The following CPSF1 variants were observed in gnomAD, a reference collection of about 807,000 sequenced individuals.
CPSF1 encodes cleavage and polyadenylation specificity factor subunit 1.
CPSF1 carries 106 observed loss-of-function variants against 175.8 expected under a neutral mutation model. That is an observed-to-expected ratio of 0.60 (90% CI 0.52 to 0.71). The LOEUF is 0.71. CPSF1 is among the 30% of genes least tolerant of loss of function. CPSF1 has a pLI of 0.00. For missense variants in CPSF1, 1,734 were observed against 2,022.9 expected, an observed-to-expected ratio of 0.86 and a Z score of 2.74; for synonymous variants, 1,024 against 858.3, an observed-to-expected ratio of 1.19 and a Z score of -3.37.
chr8:144,397,526 G>A lies in CPSF1; in HGVS notation c.2346C>T (p.Thr782=), dbSNP rs1554864406. Residue 782 remains threonine (T), a synonymous_variant, in exon 22 of 38, where the codon ACC becomes ACT. Coordinates refer to ENST00000616140, the MANE Select transcript of CPSF1 (RefSeq NM_013291.3). The stretch of plus-strand genomic sequence containing the variant: ...TCTCCCGCACCAGCAGGCACCAGTG[G>A]GTAGGCTCTGCCCGGAAGGGTGCAG... ...RDPAPFRAEP[T]HWCLLVRENG... 6.3e-7 allele frequency: 1 copy of A among 1,579,124 alleles called. No individual in the cohort carries two copies. The highest frequency in any genetic ancestry group is 1.2e-5 in the South Asian group (1 of 86,240).
At chr8:144,400,863 G>A (rs2116879256) in intron 6 of CPSF1, 46 bp from the exon 7 acceptor site, 4 of 1,608,174 alleles carry the variant, frequency 2.5e-6, no homozygotes, top group South Asian at 1.1e-5. Context: ...AGGCGGGGAG[G>A]GGAGCTCGGG....
At position 144,397,289 on chromosome 8, in the gene CPSF1, GCCT is replaced by G; in HGVS notation, c.2507_2509del (p.Glu836del). ...GAGGGGCAGCTCCCCCTGGCGCGTG[GCCT>G]CCTCCCTGCGGGCCTCGCCCTGTGT... On this transcript the variant is annotated inframe_deletion, in exon 23 of 38. Transcript: ENST00000616140. 1 of 1,550,228 alleles carries G rather than the reference GCCT, an allele frequency of 6.5e-7. No individual in the cohort carries two copies. The highest frequency in any genetic ancestry group is 8.7e-7 in the Non-Finnish European group (1 of 1,147,376).
rs1176571603 is a variant in CPSF1 at position 144,407,527 on chromosome 8, C to CA, written c.144+1487dup. Among the ~76,000 whole-genome samples, 554 of 149,320 alleles carry CA rather than the reference C, an allele frequency of 3.7e-3. 3 individuals are homozygous for CA. The highest frequency in any genetic ancestry group is 0.011 in the African/African-American group (438 of 40,682). The stretch of plus-strand genomic sequence containing the variant: ...CGAAACCCTGTCTCTATTAAAAATA[C>CA]AAAAAAAAAATTAGCCGGGCGTGGT... On this transcript the variant is annotated intron_variant, in intron 2 of 37. Coordinates refer to ENST00000616140, the MANE Select transcript of CPSF1 (RefSeq NM_013291.3).
rs2116892727 is a variant in CPSF1 at position 144,402,800 on chromosome 8, C to T, written c.145-1127G>A. On this transcript the variant is annotated intron_variant, in intron 2 of 37. Transcript: ENST00000616140. ...CACACACCCACTCATGTGGGGCTGA[C>T]GGCACCGCAGGTGGCTCAGGCCACC... 6.6e-5 allele frequency among the ~76,000 whole-genome samples: 10 copies of T among 152,206 alleles called. No individual in the cohort carries two copies. The East Asian group carries it at 7.7e-4, about 12-fold the overall frequency.
chr8:144,394,051 G>C lies in CPSF1; in HGVS notation c.3860-13C>G, dbSNP rs782170591. 7 of 1,610,396 alleles carry C rather than the reference G, an allele frequency of 4.3e-6. No homozygotes were observed. The highest frequency in any genetic ancestry group is 5.9e-6 in the Non-Finnish European group (7 of 1,177,836). On this transcript the variant is annotated splice_polypyrimidine_tract_variant and intron_variant, in intron 34 of 37. Transcript: ENST00000616140. ...AAACTCTCCTTGGCTAGACCAGAAAGGCCTAGGGGTCACTGCTAGCCCAGC... is the reference window on the plus strand; with the variant it reads ...AAACTCTCCTTGGCTAGACCAGAAACGCCTAGGGGTCACTGCTAGCCCAGC...
In CPSF1 at chr8:144,404,277, C is replaced by T. The variant is rs2116897547; in HGVS notation, c.145-2604G>A. 5.9e-5 allele frequency among the ~76,000 whole-genome samples: 9 copies of T among 152,198 alleles called. No individual in the cohort carries two copies. The South Asian group carries it at 1.0e-3, about 18-fold the overall frequency. On this transcript the variant is annotated intron_variant, in intron 2 of 37. Coordinates refer to ENST00000616140, the MANE Select transcript of CPSF1 (RefSeq NM_013291.3). ...CCTCTTGGTCAGGACCAGCCAAGGA[C>T]GCCTGATCCACTCTGCCAAGTATAA... is the stretch of plus-strand genomic sequence containing the variant.
chr8:144,397,105 G>C, intron 23 of CPSF1, 102 bp downstream of exon 23: 1 of 1,190,486 alleles, frequency 8.4e-7, no homozygotes, highest in Non-Finnish European at 1.2e-6. Context: ...GGGCGGGGCC[G>C]TGGGGGAGAT....
Position 144,393,919 on chromosome 8 carries a change from AC to A in CPSF1, c.3978del (p.Lys1326AsnfsTer35), listed in dbSNP as rs781859831. On this transcript the variant is annotated frameshift_variant, in exon 35 of 38. Transcript: ENST00000616140. LOFTEE classifies it high-confidence loss of function. ...CRGATEGLSK[K>X]SVVWENKHIT... Reference sequence around the variant, plus strand: ...ATGTGCTTATTCTCCCACACGACCGACTTTTTGCTGAGCCCTTCAGTGGCCC... The same window carrying A: ...ATGTGCTTATTCTCCCACACGACCGATTTTTGCTGAGCCCTTCAGTGGCCC... 1.9e-6 allele frequency: 3 copies of A among 1,612,906 alleles called. No individual in the cohort carries two copies. The highest frequency in any genetic ancestry group is 2.5e-6 in the Non-Finnish European group (3 of 1,179,626).
chr8:144,399,743 G>A lies in CPSF1; in HGVS notation c.1120-33C>T, dbSNP rs2116865795. 1.5e-5 allele frequency: 24 copies of A among 1,599,482 alleles called. No individual in the cohort carries two copies. In the Middle Eastern group the frequency reaches 5.0e-4, roughly 33 times the overall value. ...AGGGCAGGTGTGTGATGGCTGGGCC[G>A]GGTCTGGACCCAGACCCAACCCCTA... On this transcript the variant is annotated intron_variant, in intron 11 of 37. Transcript: ENST00000616140. The surrounding 1 kb of genome is among the most constrained non-coding windows in gnomAD (Gnocchi z 6.4).
rs150150861 is a variant in CPSF1 at position 144,393,488 on chromosome 8, G to A, written c.4248C>T (p.Ser1416=). The A allele has an allele frequency of 1.3e-5, 21 of 1,572,442 alleles. No homozygotes were observed. The highest frequency in any genetic ancestry group is 1.2e-4 in the African/African-American group (9 of 74,386). ...RYLYLSTMER[S]ELAKKIGTTP... ...TGGTGCCGATCTTCTTGGCTAGCTC[G>A]CTGCGCTCCATGGTGCTCAGGTACA... The change falls in exon 37 of 38, where the codon AGC becomes AGT. Residue 1416 remains serine (S), a synonymous_variant. Coordinates refer to ENST00000616140, the MANE Select transcript of CPSF1 (RefSeq NM_013291.3).
In CPSF1 at chr8:144,397,274, T is replaced by TC. The variant is rs2130766210; in HGVS notation, c.2524dup (p.Glu842GlyfsTer52). ...CAGCACCTCCTTGACGAGGGGCAGC[T>TC]CCCCCTGGCGCGTGGCCTCCTCCCT... On this transcript the variant is annotated frameshift_variant, in exon 23 of 38. Transcript: ENST00000616140. LOFTEE classifies it high-confidence loss of function. 1.3e-6 allele frequency: 2 copies of TC among 1,549,166 alleles called. No homozygotes were observed. The highest frequency in any genetic ancestry group is 1.7e-6 in the Non-Finnish European group (2 of 1,146,918).
rs1189161150 is a variant in CPSF1, at chr8:144,400,961, T to A, written c.502A>T (p.Ser168Cys). Residue 168 changes from serine (S) to cysteine (C), a missense_variant, in exon 6 of 38, where the codon AGC becomes TGC. Physicochemically the swap from Ser to Cys is moderately radical, Grantham distance 112 (BLOSUM62 -1). This residue lies in a region of CPSF1 where 122 missense variants were observed against 177.2 expected (regional missense o/e 0.69). Coordinates refer to ENST00000616140, the MANE Select transcript of CPSF1 (RefSeq NM_013291.3). Reference protein sequence around the residue: ...RLVVLPFRRESLAEEHEGLVG... With the variant: ...RLVVLPFRRECLAEEHEGLVG... ...AGCCCCTCGTGCTCCTCAGCCAGGC[T>A]CTCCCTGCGGAAGGGCAGGACCACC... 3.7e-6 allele frequency: 6 copies of A among 1,608,418 alleles called. No homozygotes were observed. The highest frequency in any genetic ancestry group is 1.7e-5 in the Admixed American group (1 of 59,810).
In CPSF1 at chr8:144,393,912, AC is replaced by A; in HGVS notation, c.3985del (p.Val1329CysfsTer32). ...CCACGTGATGTGCTTATTCTCCCAC[AC>A]GACCGACTTTTTGCTGAGCCCTTCA... is the stretch of plus-strand genomic sequence containing the variant. ...ATEGLSKKSV[V>X]WENKHITWFA... On this transcript the variant is annotated frameshift_variant, in exon 35 of 38. Transcript: ENST00000616140. LOFTEE classifies it high-confidence loss of function. The A allele has an allele frequency of 1.9e-6, 3 of 1,612,686 alleles. No individual in the cohort carries two copies. The highest frequency in any genetic ancestry group is 2.5e-6 in the Non-Finnish European group (3 of 1,179,518).
At chr8:144,397,045 G>A (rs1008882781) in intron 23 of CPSF1, 116 bp from the exon 24 acceptor site, 5 of 836,126 alleles carry the variant, frequency 6.0e-6, no homozygotes, top group Admixed American at 4.5e-5. Context: ...GTGGAGCCAT[G>A]TATGGGAAGG....
intron 26 of CPSF1, 145 bp downstream of exon 26, chr8:144,396,203 C>A (rs752444231): frequency 1.4e-4 from 117 of 854,928 alleles, no homozygotes; most frequent in Admixed American, 3.1e-4. Context: ...CAGGTTCCAC[C>A]TCCTCGACCT....
At chr8:144,400,141 C>A (rs2116871968) in intron 9 of CPSF1, 25 bp downstream of exon 9, 1 of 1,254,216 alleles carries the variant, frequency 8.0e-7, no homozygotes. Flanking sequence ...CCGGGCCCCC[C>A]CCGCCCCAGC....
At chr8:144,402,571 C>T (rs1264954328) in intron 2 of CPSF1, among the ~76,000 whole-genome samples, 1 of 152,176 alleles carries the variant, frequency 6.6e-6, no homozygotes, top group Non-Finnish European at 1.5e-5. Flanking sequence ...TCCCAAAGTG[C>T]TGGGATTACA....
At chr8:144,400,134 GGCCCCCCCCGC>G in intron 9 of CPSF1, 21 bp downstream of exon 9, 1 of 964,402 alleles carries the variant, frequency 1.0e-6, no homozygotes, top group Non-Finnish European at 1.5e-6. Context: ...GCCGTCCCCG[GGCCCCCCCCGC>G]CCCAGCCACC....
intron 2 of CPSF1, among the ~76,000 whole-genome samples, chr8:144,408,200 C>A (rs1449889219): frequency 1.3e-5 from 2 of 152,088 alleles, no homozygotes; most frequent in African/African-American, 4.8e-5. Flanking sequence ...TCCCTCCATC[C>A]CCACCACCAC....
Sources: allele counts gnomAD v4.1 joint callset (sites outside exome capture counted in the v4.1 genomes callset), GRCh38; gene constraint gnomAD v4.1.1; regional missense constraint gnomAD v4.1.1; non-coding constraint Gnocchi (gnomAD v3.1); transcripts MANE v1.5; gene names NCBI Gene and HGNC (gene_info 2026-07-23, HGNC 2026-07-21).